The following TRHDE variants were observed in gnomAD, a reference collection of about 807,000 sequenced individuals.
TRHDE encodes the protein thyrotropin-releasing hormone-degrading ectoenzyme.
A neutral mutation model predicts 125.7 loss-of-function variants in TRHDE; 72 were observed. The ratio of observed to expected loss-of-function variants is 0.57; its 90% CI spans 0.47 to 0.70. The LOEUF is 0.70. Among genes scored for constraint, TRHDE ranks in the 30% least tolerant of loss-of-function variants. The probability of loss-of-function intolerance (pLI) is 0.00; values close to 1 mark genes in which losing one functional copy is unlikely to be tolerated. For missense variants in TRHDE, 1,110 were observed against 1,327.1 expected (o/e 0.84, Z 2.54); for synonymous variants, 509 against 509.1 (o/e 1.00, Z 0.00).
chr12:72,185,336 A>G (rs1211677004), intron 2 of TRHDE, among the ~76,000 whole-genome samples: 3 of 152,100 alleles, frequency 2.0e-5, no homozygotes, highest in East Asian at 3.9e-4. Flanking sequence ...CACCCACTCC[A>G]TGGGCTCCTG....
In TRHDE at chr12:72,621,741, A is replaced by T; in HGVS notation, c.2665A>T (p.Asn889Tyr). The change falls in exon 15 of 19, where the codon AAC (asparagine) becomes TAC (tyrosine). Residue 889 changes from asparagine to tyrosine, a missense_variant. Physicochemically the swap from Asn to Tyr is moderately radical, Grantham distance 143. Coordinates refer to ENST00000261180, the MANE Select transcript of TRHDE (RefSeq NM_013381.3). ...ACTTATTTCAGATTGGATTTCCAGCAACAGGAACAGGTAAACTGAGCCAAA... is the reference window on the plus strand; with the variant it reads ...ACTTATTTCAGATTGGATTTCCAGCTACAGGAACAGGTAAACTGAGCCAAA... ...STLISDWISS[N>Y]RNRIPLNVRD... 1 of 1,603,574 alleles carries T rather than the reference A, an allele frequency of 6.2e-7. No individual in the cohort carries two copies. The highest frequency in any genetic ancestry group is 8.5e-7 in the Non-Finnish European group (1 of 1,176,170).
intron 2 of TRHDE, among the ~76,000 whole-genome samples, chr12:72,318,052 C>A (rs1454379725): frequency 6.6e-6 from 1 of 152,124 alleles, no homozygotes; most frequent in East Asian, 1.9e-4. Context: ...GGCAGTACAG[C>A]ACAGCAGTGT....
intron 2 of TRHDE, among the ~76,000 whole-genome samples, chr12:72,341,208 C>T (rs750767629): frequency 2.0e-5 from 3 of 151,572 alleles, no homozygotes; most frequent in Non-Finnish European, 2.9e-5. Flanking sequence ...TAGGTATACA[C>T]GTGCCATGTT....
At chr12:72,292,424 C>A (rs960430548) in intron 2 of TRHDE, among the ~76,000 whole-genome samples, 1 of 152,166 alleles carries the variant, frequency 6.6e-6, no homozygotes, top group African/African-American at 2.4e-5. Context: ...GCTTGAAAAC[C>A]AGACAGTTTA....
At chr12:72,544,520 T>C (rs1281834233) in intron 7 of TRHDE, among the ~76,000 whole-genome samples, 1 of 151,576 alleles carries the variant, frequency 6.6e-6, no homozygotes, top group African/African-American at 2.4e-5. Flanking sequence ...TTTTCATATA[T>C]GTTTTTATTC....
In TRHDE at chr12:72,621,468, T is replaced by G. The variant is rs1873049060; in HGVS notation, c.2568-176T>G. ...TCAGAACCCATGCCTCTCACTGGAG[T>G]ACTGTTAAACTTTTAGTATGTTTAA... On this transcript the variant is annotated intron_variant, in intron 14 of 18. Coordinates refer to ENST00000261180, the MANE Select transcript of TRHDE (RefSeq NM_013381.3). The G allele has an allele frequency of 1.2e-5, 7 of 597,904 alleles. No homozygotes were observed. In the South Asian group the frequency reaches 1.5e-4, roughly 13 times the overall value. 37.0% of individuals were successfully genotyped at this position (597,904 alleles called of 1,614,324 possible).
chr12:72,438,516 A>T (rs1171220175), intron 3 of TRHDE, among the ~76,000 whole-genome samples: 1 of 151,674 alleles, frequency 6.6e-6, no homozygotes, highest in Non-Finnish European at 1.5e-5. Flanking sequence ...TTTCCTGATG[A>T]TTAGTGATGA....
chr12:72,376,759 A>G (rs886504011), intron 2 of TRHDE, among the ~76,000 whole-genome samples: 8 of 152,048 alleles, frequency 5.3e-5, no homozygotes, highest in Non-Finnish European at 1.2e-4. Flanking sequence ...ATAATAATAG[A>G]TGATGTATAA....
chr12:72,191,061 A>G (rs192472300), intron 2 of TRHDE, among the ~76,000 whole-genome samples: 2 of 152,214 alleles, frequency 1.3e-5, no homozygotes, highest in African/African-American at 4.8e-5. Flanking sequence ...AGTATTCTAT[A>G]CAACATTGAG....
intron 2 of TRHDE, among the ~76,000 whole-genome samples, chr12:72,246,736 A>G (rs546685917): frequency 3.3e-5 from 5 of 152,314 alleles, no homozygotes; most frequent in Admixed American, 1.3e-4. Context: ...GTGTTGGAAA[A>G]GTCATTTTCT....
At chr12:72,332,859 C>T (rs1869666650) in intron 2 of TRHDE, among the ~76,000 whole-genome samples, 1 of 152,128 alleles carries the variant, frequency 6.6e-6, no homozygotes, top group South Asian at 2.1e-4. Flanking sequence ...CAGCCTAGAC[C>T]TGCTGAATCA....
At chr12:72,551,210 A>G (rs1179695009) in intron 7 of TRHDE, among the ~76,000 whole-genome samples, 1 of 152,144 alleles carries the variant, frequency 6.6e-6, no homozygotes, top group Non-Finnish European at 1.5e-5. Flanking sequence ...CTTAAGTTAC[A>G]TGTTTTGAAC....
At chr12:72,188,772 GACTT>G (rs1877280352) in intron 2 of TRHDE, among the ~76,000 whole-genome samples, 1 of 152,220 alleles carries the variant, frequency 6.6e-6, no homozygotes, top group Non-Finnish European at 1.5e-5. Flanking sequence ...TTTTGGAAAA[GACTT>G]AGGGAAGGGG....
chr12:72,597,586 T>TGA (rs1871996515), intron 12 of TRHDE, among the ~76,000 whole-genome samples: 1 of 149,430 alleles, frequency 6.7e-6, no homozygotes, highest in African/African-American at 2.5e-5. Context: ...GAGAATCGCT[T>TGA]GAACCTGGGA....
chr12:72,144,912 C>T (rs1355474507), intron 2 of TRHDE, among the ~76,000 whole-genome samples: 1 of 152,198 alleles, frequency 6.6e-6, no homozygotes, highest in East Asian at 1.9e-4. Flanking sequence ...CAAGTATTCT[C>T]AGCCTTTCAT....
chr12:72,417,386 A>G (rs1321300903), intron 3 of TRHDE, among the ~76,000 whole-genome samples: 4 of 151,946 alleles, frequency 2.6e-5, no homozygotes, highest in Non-Finnish European at 5.9e-5. Context: ...TATTCTTCAA[A>G]TTTCACATCT....
chr12:72,295,509 A>G (rs1400610018), intron 2 of TRHDE, among the ~76,000 whole-genome samples: 1 of 152,192 alleles, frequency 6.6e-6, no homozygotes, highest in Non-Finnish European at 1.5e-5. Flanking sequence ...ACAGGTACTC[A>G]AAACATACTG....
At chr12:72,316,130 T>C (rs552449789) in intron 2 of TRHDE, among the ~76,000 whole-genome samples, 7 of 152,280 alleles carry the variant, frequency 4.6e-5, no homozygotes, top group African/African-American at 1.7e-4. Context: ...AGCTTCTGAA[T>C]GCACAAATCC....
chr12:72,293,268 T>A (rs1880159494), intron 2 of TRHDE, among the ~76,000 whole-genome samples: 1 of 152,128 alleles, frequency 6.6e-6, no homozygotes, highest in African/African-American at 2.4e-5. Context: ...AGATTCATAG[T>A]TTGTGAATAT....
Sources: allele counts gnomAD v4.1 joint callset (sites outside exome capture counted in the v4.1 genomes callset), GRCh38; gene constraint gnomAD v4.1.1; transcripts MANE v1.5; gene names NCBI Gene and HGNC (gene_info 2026-07-23, HGNC 2026-07-21).